DAAM1: variants seen among roughly 807,000 people sequenced by gnomAD.
DAAM1 encodes dishevelled associated activator of morphogenesis 1, also known as disheveled-associated activator of morphogenesis 1.
In DAAM1, 52 loss-of-function variants were observed where a neutral mutation model predicts 130.0. That is an observed-to-expected ratio of 0.40 (90% CI 0.32 to 0.50). The LOEUF (loss-of-function observed/expected upper bound fraction) is 0.50. DAAM1 is among the 20% of genes least tolerant of loss of function. The pLI is 0.61. For synonymous variants in DAAM1, 452 were observed against 444.5 expected (o/e 1.02, Z -0.21); for missense variants, 1,134 against 1,303.8 (o/e 0.87, Z 2.01).
intron 2 of DAAM1, among the ~76,000 whole-genome samples, chr14:59,277,513 G>A (rs1009680695): frequency 2.0e-5 from 3 of 150,412 alleles, no homozygotes; most frequent in African/African-American, 7.3e-5. Flanking sequence ...TTATAAATAT[G>A]TAAAATATAT....
intron 1 of DAAM1, among the ~76,000 whole-genome samples, chr14:59,237,119 A>G (rs947046486): frequency 6.6e-6 from 1 of 152,116 alleles, no homozygotes; most frequent in Admixed American, 6.5e-5. Context: ...GTTTTAACCT[A>G]CACGTGCTGG....
intron 24 of DAAM1, among the ~76,000 whole-genome samples, chr14:59,368,314 G>T (rs1040581014): frequency 6.6e-6 from 1 of 152,102 alleles, no homozygotes; most frequent in Non-Finnish European, 1.5e-5. Context: ...GTTATTTGGG[G>T]TCTATGTAAT....
At chr14:59,363,620 G>A (rs756122430) in intron 22 of DAAM1, 31 bp from the exon 23 acceptor site, 2 of 1,613,336 alleles carry the variant, frequency 1.2e-6, no homozygotes, top group East Asian at 4.5e-5. Context: ...TTTGAAGCCT[G>A]CATTGACATT....
At chr14:59,282,913 C>T (rs574455550) in intron 2 of DAAM1, among the ~76,000 whole-genome samples, 3 of 152,106 alleles carry the variant, frequency 2.0e-5, no homozygotes, top group Non-Finnish European at 4.4e-5. Flanking sequence ...AGAGACCCTA[C>T]AGTAATTTTT....
intron 11 of DAAM1, 93 bp downstream of exon 11, chr14:59,326,741 A>G: frequency 6.4e-7 from 1 of 1,560,760 alleles, no homozygotes; most frequent in Non-Finnish European, 8.7e-7. Flanking sequence ...GGGAGAGCTG[A>G]AATGTTCTAG....
intron 20 of DAAM1, among the ~76,000 whole-genome samples, chr14:59,357,732 C>T (rs541929663): frequency 1.3e-5 from 2 of 151,764 alleles, no homozygotes; most frequent in Non-Finnish European, 2.9e-5. Context: ...GAGCCCAGAT[C>T]GCACCACTGT....
intron 8 of DAAM1, among the ~76,000 whole-genome samples, chr14:59,324,775 A>G (rs182730720): frequency 3.9e-5 from 6 of 152,334 alleles, no homozygotes; most frequent in Admixed American, 3.9e-4. Context: ...ACTGCAAAAG[A>G]TAGTGCTGGT....
intron 2 of DAAM1, among the ~76,000 whole-genome samples, chr14:59,278,682 C>T (rs1883078303): frequency 1.3e-5 from 2 of 152,020 alleles, no homozygotes; most frequent in Admixed American, 6.6e-5. Context: ...ACAAAGGGAC[C>T]TTGGGGAAAA....
intron 2 of DAAM1, among the ~76,000 whole-genome samples, chr14:59,271,468 G>A (rs17093314): frequency 0.085 from 12,867 of 151,836 alleles, 583 homozygotes; most frequent in Non-Finnish European, 0.098. Context: ...AGAAATGAAG[G>A]TAGGAGAAAT....
intron 2 of DAAM1, among the ~76,000 whole-genome samples, chr14:59,270,903 G>A (rs980871599): frequency 6.6e-6 from 1 of 152,078 alleles, no homozygotes; most frequent in Non-Finnish European, 1.5e-5. Flanking sequence ...AAAAATCCAG[G>A]TTTAAAACAA....
intron 18 of DAAM1, 32 bp downstream of exon 18, chr14:59,352,664 G>A (rs748105977): frequency 6.5e-7 from 1 of 1,548,834 alleles, no homozygotes; most frequent in South Asian, 1.2e-5. Context: ...ATGTGAAGAT[G>A]TCACTTCCCT....
rs1001483336 is a variant in DAAM1 at position 59,270,174 on chromosome 14, C to A, written c.183+6514C>A. ...CATGTATCCCTGAGTAGATTCTTATCTTAATCCATTTTATGTTGCTATAAA... is the reference window on the plus strand; with the variant it reads ...CATGTATCCCTGAGTAGATTCTTATATTAATCCATTTTATGTTGCTATAAA... On this transcript the variant is annotated intron_variant, in intron 2 of 24. Coordinates refer to ENST00000360909, the MANE Select transcript of DAAM1 (RefSeq NM_001270520.2). Among the ~76,000 whole-genome samples, 7 of 152,098 alleles carry A rather than the reference C, an allele frequency of 4.6e-5. No homozygotes were observed. The East Asian group carries it at 1.3e-3, about 29-fold the overall frequency.
At chr14:59,366,587 T>C (rs1886925702) in intron 23 of DAAM1, among the ~76,000 whole-genome samples, 1 of 152,218 alleles carries the variant, frequency 6.6e-6, no homozygotes, top group African/African-American at 2.4e-5. Context: ...TACTACTGTT[T>C]AGTTAATAAA....
chr14:59,329,985 C>G (rs546944639), intron 12 of DAAM1, among the ~76,000 whole-genome samples: 2 of 152,196 alleles, frequency 1.3e-5, no homozygotes, highest in Non-Finnish European at 2.9e-5. Context: ...TGGGGACAAA[C>G]CCTGGGTCTG....
At chr14:59,207,950 A>G (rs1888313246) in intron 1 of DAAM1, among the ~76,000 whole-genome samples, 1 of 152,162 alleles carries the variant, frequency 6.6e-6, no homozygotes, top group Non-Finnish European at 1.5e-5. Flanking sequence ...TCAGAAACTT[A>G]TTTTTTGGTT....
At chr14:59,236,445 G>A (rs976116483) in intron 1 of DAAM1, among the ~76,000 whole-genome samples, 7 of 151,962 alleles carry the variant, frequency 4.6e-5, no homozygotes, top group African/African-American at 1.7e-4. Flanking sequence ...TTTTGAGCAT[G>A]CCTCACCTTT....
chr14:59,342,916 T>G (rs1463822269), intron 16 of DAAM1, among the ~76,000 whole-genome samples: 1 of 152,068 alleles, frequency 6.6e-6, no homozygotes, highest in Non-Finnish European at 1.5e-5. Context: ...GCACAGTTAG[T>G]AGAGAGCCCT....
chr14:59,221,347 C>A (rs553007077), intron 1 of DAAM1, among the ~76,000 whole-genome samples: 1 of 152,160 alleles, frequency 6.6e-6, no homozygotes, highest in East Asian at 1.9e-4. Flanking sequence ...TACACACAAA[C>A]GTATTCATAA....
At chr14:59,209,592 C>T (rs925678956) in intron 1 of DAAM1, among the ~76,000 whole-genome samples, 1 of 152,118 alleles carries the variant, frequency 6.6e-6, no homozygotes, top group Non-Finnish European at 1.5e-5. Flanking sequence ...ATGAGATATT[C>T]CACACTTTAT....
Sources: gnomAD v4.1 joint callset for allele counts (sites outside exome capture counted in the v4.1 genomes callset) on GRCh38, gnomAD v4.1.1 for gene constraint, MANE v1.5 for transcripts, NCBI Gene and HGNC (gene_info 2026-07-23, HGNC 2026-07-21) for gene names.